The following P2RX7 variants were observed in gnomAD, a reference collection of about 807,000 sequenced individuals.
P2RX7 encodes the protein purinergic receptor P2X 7, also known as P2X purinoceptor 7.
Under a neutral mutation model 71.6 loss-of-function variants are expected in P2RX7, and 62 were observed. That is an observed-to-expected ratio of 0.87 (90% CI 0.71 to 1.07). The LOEUF (loss-of-function observed/expected upper bound fraction) is 1.07, where lower values mean the gene tolerates loss of function less well. Among genes scored for constraint, P2RX7 ranks in the 50% least tolerant of loss-of-function variants. P2RX7 has a pLI of 0.00. For synonymous variants in P2RX7, 299 were observed against 283.3 expected, an observed-to-expected ratio of 1.06 and a Z score of -0.56; for missense variants, 686 against 748.5, an observed-to-expected ratio of 0.92 and a Z score of 0.97.
chr12:121,170,821 A>G (rs558926419), intron 8 of P2RX7, among the ~76,000 whole-genome samples: 1 of 152,294 alleles, frequency 6.6e-6, no homozygotes, highest in Admixed American at 6.5e-5. Context: ...CTGATGAGTA[A>G]GTGGACAAGT....
In P2RX7 at chr12:121,187,319, G is replaced by C. The variant is rs1884975933; in HGVS notation, c.*2517G>C. On this transcript the variant is annotated 3_prime_UTR_variant, in exon 13 of 13. Coordinates refer to ENST00000328963, the MANE Select transcript of P2RX7 (RefSeq NM_002562.6). ...ATGAATAAAACCATTTTTTGATACA[G>C]GGTTTTATTTGGCTTTAAACTCAGG... 6.6e-6 allele frequency: 1 copy of C among 152,066 alleles called. No individual in the cohort carries two copies. The highest frequency in any genetic ancestry group is 1.5e-5 in the Non-Finnish European group (1 of 68,018). The allele number at this position is 152,066 out of a possible 1,614,324, so 9.4% of individuals were successfully genotyped here. A position where few individuals can be genotyped will look rare whatever the true frequency, so the allele number is the denominator to read the frequency against.
At chr12:121,171,609 C>T (rs1010832700) in intron 8 of P2RX7, among the ~76,000 whole-genome samples, 9 of 151,964 alleles carry the variant, frequency 5.9e-5, no homozygotes, top group African/African-American at 2.2e-4. Context: ...ATATCACAGC[C>T]ACTAGGGATT....
At chr12:121,165,987 C>T (rs1231365142) in intron 6 of P2RX7, 71 bp from the exon 7 acceptor site, 1 of 1,516,206 alleles carries the variant, frequency 6.6e-7, no homozygotes, top group Non-Finnish European at 9.0e-7. Context: ...CACTGGCTCA[C>T]TCCTGGGAAA....
chr12:121,176,976 C>T (rs1883261327), intron 9 of P2RX7, among the ~76,000 whole-genome samples, 171 bp from the exon 10 acceptor site: 1 of 152,132 alleles, frequency 6.6e-6, no homozygotes, highest in South Asian at 2.1e-4. Flanking sequence ...AAGCAGGATG[C>T]CTGAGAGTCA....
At chr12:121,165,496 C>A in intron 6 of P2RX7, 59 bp downstream of exon 6, 3 of 1,347,502 alleles carry the variant, frequency 2.2e-6, no homozygotes, top group Non-Finnish European at 3.2e-6. Context: ...TAAATTATCC[C>A]AAACCTCAGA....
Position 121,155,236 on chromosome 12 carries a change from C to G in P2RX7, c.294+283C>G, listed in dbSNP as rs758948822. The G allele has an allele frequency of 5.1e-5, 70 of 1,378,226 alleles. 2 individuals are homozygous for G. The South Asian group carries it at 8.4e-4, about 17-fold the overall frequency. The allele number at this position is 1,378,226 out of a possible 1,614,324, so 85.4% of individuals were successfully genotyped here. On this transcript the variant is annotated intron_variant, in intron 2 of 12. Transcript: ENST00000328963. Reference sequence around the variant, plus strand: ...TCACTCGCGCTTGATTTACCCGCAGCTTTTTAGACGCACAGCCACCAAGCC... The same window carrying G: ...TCACTCGCGCTTGATTTACCCGCAGGTTTTTAGACGCACAGCCACCAAGCC...
At chr12:121,143,886 G>A (rs1875566136) in intron 1 of P2RX7, among the ~76,000 whole-genome samples, 1 of 152,114 alleles carries the variant, frequency 6.6e-6, no homozygotes, top group African/African-American at 2.4e-5. Flanking sequence ...ACTTTTTTGA[G>A]GTATAACTTA....
At chr12:121,152,807 T>C (rs1877726968) in intron 1 of P2RX7, among the ~76,000 whole-genome samples, 1 of 152,186 alleles carries the variant, frequency 6.6e-6, no homozygotes, top group South Asian at 2.1e-4. Context: ...CGTGAGCCAC[T>C]GTGCCTGGCT....
chr12:121,145,027 G>C (rs1041504664), intron 1 of P2RX7, among the ~76,000 whole-genome samples: 1 of 152,128 alleles, frequency 6.6e-6, no homozygotes, highest in South Asian at 2.1e-4. Flanking sequence ...TTGGATATAC[G>C]AATCTGCAGC....
intron 1 of P2RX7, among the ~76,000 whole-genome samples, chr12:121,148,164 G>A (rs1733016565): frequency 1.3e-5 from 2 of 151,638 alleles, no homozygotes; most frequent in Non-Finnish European, 2.9e-5. Context: ...CATTGCCTAT[G>A]GGAATGACTT....
At chr12:121,134,541 G>A (rs928554202) in intron 1 of P2RX7, among the ~76,000 whole-genome samples, 14 of 152,060 alleles carry the variant, frequency 9.2e-5, no homozygotes, top group African/African-American at 2.4e-4. Flanking sequence ...ACAGGTGTGC[G>A]TCACCACTCC....
chr12:121,136,603 T>C (rs1204185453), intron 1 of P2RX7, among the ~76,000 whole-genome samples: 1 of 151,922 alleles, frequency 6.6e-6, no homozygotes, highest in African/African-American at 2.4e-5. Context: ...ATTATAGGCA[T>C]GAGCCACTTT....
chr12:121,160,893 T>A lies in P2RX7; in HGVS notation c.364-9T>A. The A allele has an allele frequency of 6.2e-7, 1 of 1,609,586 alleles. No homozygotes were observed. Among genetic ancestry groups the A allele is most frequent in the Non-Finnish European group, 8.5e-7 (1 of 1,175,798 alleles). ...CTTACTCCCCACTCTGTCATCCTTC[T>A]ATCTGCAGTATCCCACCCGCAGGAC... On this transcript the variant is annotated splice_polypyrimidine_tract_variant and intron_variant, in intron 3 of 12. Transcript: ENST00000328963.
chr12:121,162,658 T>TTGG, intron 5 of P2RX7, 138 bp downstream of exon 5: 1 of 885,492 alleles, frequency 1.1e-6, no homozygotes, highest in Non-Finnish European at 1.7e-6. Flanking sequence ...CCCTGCGCTC[T>TTGG]GGATGCACTG....
intron 1 of P2RX7, among the ~76,000 whole-genome samples, chr12:121,142,119 C>T (rs1875015409): frequency 6.6e-6 from 1 of 152,136 alleles, no homozygotes; most frequent in Non-Finnish European, 1.5e-5. Context: ...TGTGAGCTGC[C>T]CTATGGAATG....
intron 12 of P2RX7, among the ~76,000 whole-genome samples, chr12:121,183,093 C>T (rs1233167606): frequency 1.3e-5 from 2 of 151,420 alleles, no homozygotes; most frequent in Non-Finnish European, 2.9e-5. Context: ...AGGAGAATGG[C>T]GTGAACCCAG....
At chr12:121,155,666 G>T (rs540079520) in intron 2 of P2RX7, among the ~76,000 whole-genome samples, 3 of 152,224 alleles carry the variant, frequency 2.0e-5, no homozygotes, top group African/African-American at 4.8e-5. Flanking sequence ...TGCTCAGGTG[G>T]TGGGATGCCC....
intron 2 of P2RX7, among the ~76,000 whole-genome samples, chr12:121,155,847 A>G (rs1291182073): frequency 6.6e-6 from 1 of 152,114 alleles, no homozygotes; most frequent in Non-Finnish European, 1.5e-5. Flanking sequence ...TTGAGACTGC[A>G]TTGGTAAATG....
At chr12:121,156,012 G>A in intron 2 of P2RX7, 67 bp from the exon 3 acceptor site, 14 of 1,412,106 alleles carry the variant, frequency 9.9e-6, no homozygotes, top group Non-Finnish European at 1.4e-5. Context: ...CAGCAAGCTG[G>A]ATTATTATAA....
Sources: allele counts gnomAD v4.1 joint callset (sites outside exome capture counted in the v4.1 genomes callset), GRCh38; gene constraint gnomAD v4.1.1; transcripts MANE v1.5; gene names NCBI Gene and HGNC (gene_info 2026-07-23, HGNC 2026-07-21).